The following CTNND2 variants were observed in gnomAD, a reference collection of about 807,000 sequenced individuals.
CTNND2 encodes catenin delta-2.
A neutral mutation model predicts 144.4 loss-of-function variants in CTNND2; 22 were observed. That is an observed-to-expected ratio of 0.15 (90% CI 0.11 to 0.22). The LOEUF is 0.22. Among genes scored for constraint, CTNND2 ranks in the 10% least tolerant of loss-of-function variants. CTNND2 has a pLI of 1.00. For missense variants in CTNND2, 1,353 were observed against 1,618.8 expected (o/e 0.84, Z 2.82); for synonymous variants, 751 against 695.6 (o/e 1.08, Z -1.25).
chr5:11,770,984 A>C (rs1038846286), intron 1 of CTNND2, among the ~76,000 whole-genome samples: 1 of 152,120 alleles, frequency 6.6e-6, no homozygotes, highest in African/African-American at 2.4e-5. Context: ...TATATCTTAT[A>C]AAACAAAACA....
chr5:11,657,418 T>A (rs1782970690), intron 2 of CTNND2, among the ~76,000 whole-genome samples: 1 of 151,668 alleles, frequency 6.6e-6, no homozygotes, highest in South Asian at 2.1e-4. Context: ...TATTTAGCTA[T>A]CTCTCTCTCT....
At chr5:11,176,055 T>C (rs998132771) in intron 11 of CTNND2, among the ~76,000 whole-genome samples, 2 of 152,202 alleles carry the variant, frequency 1.3e-5, no homozygotes, top group East Asian at 1.9e-4. Flanking sequence ...AGTTGGGTCA[T>C]GCATGGGAAT....
chr5:11,576,833 G>A (rs750867541), intron 2 of CTNND2, among the ~76,000 whole-genome samples: 2 of 152,104 alleles, frequency 1.3e-5, no homozygotes, highest in Non-Finnish European at 2.9e-5. Flanking sequence ...AGAGTTGAAT[G>A]TCTGTCAGTA....
intron 3 of CTNND2, among the ~76,000 whole-genome samples, chr5:11,520,149 GA>G (rs35979486): frequency 0.47 from 57,507 of 123,328 alleles, 12,203 homozygotes; most frequent in South Asian, 0.54. Flanking sequence ...CTCTGTCTTG[GA>G]AAAAAAAAAA....
At chr5:11,850,422 T>C (rs1053069920) in intron 1 of CTNND2, among the ~76,000 whole-genome samples, 6 of 152,222 alleles carry the variant, frequency 3.9e-5, no homozygotes, top group South Asian at 2.1e-4. Flanking sequence ...CTCATTGATA[T>C]AGAAAGTATG....
intron 7 of CTNND2, among the ~76,000 whole-genome samples, chr5:11,383,797 TA>T (rs1242748112): frequency 5.3e-5 from 8 of 152,202 alleles, no homozygotes; most frequent in African/African-American, 1.9e-4. Context: ...AAATCCGGGT[TA>T]GTTGTCAGGT....
intron 6 of CTNND2, among the ~76,000 whole-genome samples, chr5:11,395,209 A>G (rs1759976960): frequency 6.6e-6 from 1 of 152,236 alleles, no homozygotes; most frequent in Non-Finnish European, 1.5e-5. Flanking sequence ...TTATTTGTTG[A>G]ACGTTTCTCT....
intron 16 of CTNND2, among the ~76,000 whole-genome samples, chr5:11,074,799 A>G (rs1313331360): frequency 2.0e-5 from 3 of 152,168 alleles, no homozygotes; most frequent in Non-Finnish European, 4.4e-5. Context: ...TCACTCAAAG[A>G]CAGAACATTT....
intron 2 of CTNND2, among the ~76,000 whole-genome samples, chr5:11,645,577 A>C (rs1782306177): frequency 6.6e-6 from 1 of 152,148 alleles, no homozygotes; most frequent in African/African-American, 2.4e-5. Context: ...AGATATTTGA[A>C]TATATCAATA....
intron 13 of CTNND2, among the ~76,000 whole-genome samples, chr5:11,114,899 A>G (rs11133645): frequency 0.22 from 34,185 of 152,182 alleles, 5,351 homozygotes; most frequent in East Asian, 0.54. Context: ...ATAATAATAC[A>G]TTAAAACCCA....
At chr5:11,768,009 A>T (rs1257099658) in intron 1 of CTNND2, among the ~76,000 whole-genome samples, 2 of 152,156 alleles carry the variant, frequency 1.3e-5, no homozygotes, top group Non-Finnish European at 2.9e-5. Context: ...GAAACAACAA[A>T]CTCCTTCATT....
chr5:11,885,945 TAAG>T (rs1346779756), intron 1 of CTNND2, among the ~76,000 whole-genome samples: 1 of 152,092 alleles, frequency 6.6e-6, no homozygotes, highest in East Asian at 1.9e-4. Context: ...ATACAGATTT[TAAG>T]AAGAAAATTT....
chr5:11,429,454 G>A (rs1408160525), intron 3 of CTNND2, among the ~76,000 whole-genome samples: 1 of 152,154 alleles, frequency 6.6e-6, no homozygotes, highest in Non-Finnish European at 1.5e-5. Flanking sequence ...AGGCGCCGGG[G>A]CAGAGCAGGA....
intron 1 of CTNND2, among the ~76,000 whole-genome samples, chr5:11,761,922 G>GA (rs35210479): frequency 6.6e-6 from 1 of 151,804 alleles, no homozygotes; most frequent in East Asian, 1.9e-4. Flanking sequence ...ACCATAATTA[G>GA]AAAAAAATGT....
chr5:11,082,440 C>A (rs1467203877), intron 16 of CTNND2, among the ~76,000 whole-genome samples: 1 of 152,192 alleles, frequency 6.6e-6, no homozygotes, highest in East Asian at 1.9e-4. Context: ...ACAACGGTAT[C>A]CTGTGCCGAG....
chr5:11,670,118 T>C (rs901075445), intron 2 of CTNND2, among the ~76,000 whole-genome samples: 1 of 152,174 alleles, frequency 6.6e-6, no homozygotes, highest in African/African-American at 2.4e-5. Context: ...TGAGTAACAG[T>C]TTGTTATGAT....
chr5:11,586,084 T>C (rs1449883577), intron 2 of CTNND2, among the ~76,000 whole-genome samples: 1 of 152,170 alleles, frequency 6.6e-6, no homozygotes, highest in Non-Finnish European at 1.5e-5. Context: ...TGATAGGATT[T>C]ACATTTTCAT....
chr5:11,394,642 C>T (rs756866042), intron 6 of CTNND2, among the ~76,000 whole-genome samples: 57 of 152,158 alleles, frequency 3.7e-4, no homozygotes, highest in Non-Finnish European at 4.7e-4. Context: ...TGTCAGAGAA[C>T]AAATATTTTA....
chr5:11,318,789 T>C (rs1310610518), intron 9 of CTNND2, among the ~76,000 whole-genome samples: 1 of 152,018 alleles, frequency 6.6e-6, no homozygotes, highest in African/African-American at 2.4e-5. Flanking sequence ...CCCACCTGCA[T>C]AAAAACATGC....
Sources: allele counts gnomAD v4.1 joint callset (sites outside exome capture counted in the v4.1 genomes callset), GRCh38; gene constraint gnomAD v4.1.1; transcripts MANE v1.5; gene names NCBI Gene and HGNC (gene_info 2026-07-23, HGNC 2026-07-21).